Variants in GLI2 observed in about 807,000 individuals in gnomAD.
GLI2 encodes the protein GLI family zinc finger 2, also known as transcription activator GLI2.
In GLI2, 22 loss-of-function variants were observed where a neutral mutation model predicts 78.9. The observed-to-expected ratio is 0.28, with a 90% CI of 0.20 to 0.40. The LOEUF (loss-of-function observed/expected upper bound fraction) is 0.40. GLI2 is among the 10% of genes least tolerant of loss of function. The probability of loss-of-function intolerance (pLI) is 1.00; values close to 1 mark genes in which losing one functional copy is unlikely to be tolerated. For synonymous variants in GLI2, 974 were observed against 963.7 expected, an observed-to-expected ratio of 1.01 and a Z score of -0.20; for missense variants, 2,097 against 2,213.2, an observed-to-expected ratio of 0.95 and a Z score of 1.05.
At chr2:120,856,136 A>G (rs997131702) in intron 2 of GLI2, among the ~76,000 whole-genome samples, 15 of 152,102 alleles carry the variant, frequency 9.9e-5, no homozygotes, top group African/African-American at 2.7e-4. Context: ...CTGACTCCTC[A>G]GCCTGAGTTC....
rs540540274 is a variant in GLI2 at position 120,938,028 on chromosome 2, G to A, written c.254+10562G>A. 9.2e-5 allele frequency among the ~76,000 whole-genome samples: 14 copies of A among 152,134 alleles called. No individual in the cohort carries two copies. The South Asian group carries it at 1.0e-3, about 11-fold the overall frequency. On this transcript the variant is annotated intron_variant, in intron 3 of 13. Transcript: ENST00000361492. ...TCTTATCTCCTATTTCCTTATTCCC[G>A]CCCATGGCTTTAAACCCTTGACTTT...
intron 2 of GLI2, among the ~76,000 whole-genome samples, chr2:120,854,763 A>C (rs1219130944): frequency 6.6e-6 from 1 of 152,208 alleles, no homozygotes; most frequent in African/African-American, 2.4e-5. Flanking sequence ...CATCAGAATC[A>C]CCCAAGAGAC....
chr2:120,837,001 G>A (rs963993671), intron 2 of GLI2, among the ~76,000 whole-genome samples: 11 of 152,110 alleles, frequency 7.2e-5, no homozygotes, highest in Non-Finnish European at 1.5e-5. Context: ...GGACGTTTGG[G>A]CTGCTTCTCC....
At chr2:120,927,594 G>A in intron 3 of GLI2, 128 bp downstream of exon 3, 1 of 759,030 alleles carries the variant, frequency 1.3e-6, no homozygotes, top group South Asian at 1.4e-5. Flanking sequence ...ACATTGTCCT[G>A]AGCGGGCGAT....
intron 3 of GLI2, among the ~76,000 whole-genome samples, chr2:120,947,469 CA>C (rs1317162020): frequency 9.8e-5 from 15 of 152,332 alleles, no homozygotes; most frequent in Non-Finnish European, 1.3e-4. Flanking sequence ...GCTGTGATCT[CA>C]CTGGCCCTGT....
At chr2:120,926,027 C>T (rs1020032182) in intron 2 of GLI2, among the ~76,000 whole-genome samples, 2 of 131,844 alleles carry the variant, frequency 1.5e-5, no homozygotes, top group Admixed American at 1.7e-4. Context: ...GAGCCGAGAT[C>T]GCTCCACTGC....
intron 3 of GLI2, among the ~76,000 whole-genome samples, chr2:120,948,713 G>T (rs908337357): frequency 6.6e-6 from 1 of 152,150 alleles, no homozygotes; most frequent in African/African-American, 2.4e-5. Context: ...AATGGCTATC[G>T]CAGGGGGCCT....
At chr2:120,806,939 C>T (rs372863302) in intron 2 of GLI2, among the ~76,000 whole-genome samples, 4 of 152,210 alleles carry the variant, frequency 2.6e-5, no homozygotes, top group African/African-American at 4.8e-5. Context: ...ACCCCAGTTA[C>T]GATGCTGATG....
intron 5 of GLI2, among the ~76,000 whole-genome samples, chr2:120,960,579 T>A (rs1238421200): frequency 6.6e-6 from 1 of 152,252 alleles, no homozygotes; most frequent in African/African-American, 2.4e-5. Flanking sequence ...GAACTTTGTA[T>A]TTTTTCTGAA....
intron 10 of GLI2, 27 bp from the exon 11 acceptor site, chr2:120,982,689 T>C: frequency 6.3e-7 from 1 of 1,596,578 alleles, no homozygotes; most frequent in Non-Finnish European, 8.6e-7. Flanking sequence ...CTGGGGTGCC[T>C]TGACTGACTG....
Position 120,820,669 on chromosome 2 carries a change from CTT to C in GLI2, c.148+23203_148+23204del, listed in dbSNP as rs1278192165. Among the ~76,000 whole-genome samples the C allele has an allele frequency of 5.9e-5, 9 of 152,304 alleles. 1 individual carries two copies. Among genetic ancestry groups the C allele is most frequent in the Admixed American group, 6.5e-5 (1 of 15,296 alleles). On this transcript the variant is annotated intron_variant, in intron 2 of 13. Coordinates refer to ENST00000361492, the MANE Select transcript of GLI2 (RefSeq NM_001374353.1). ...CACCCTGTGTGTCTGTGTTTCTTCT[CTT>C]TGTGAGAGTTAGCCTTCTGCTGTGG...
rs941065616 is a variant in GLI2, at chr2:120,991,095, G to A, written c.*420G>A. On this transcript the variant is annotated 3_prime_UTR_variant, in exon 14 of 14. Coordinates refer to ENST00000361492, the MANE Select transcript of GLI2 (RefSeq NM_001374353.1). ...AATGCTATACTGGATACTCTGCTCC[G>A]GAAAGATGAGCTTTTTATTCTACTA... is the stretch of plus-strand genomic sequence containing the variant. 9.5e-5 allele frequency: 16 copies of A among 169,108 alleles called. No individual in the cohort carries two copies. Among genetic ancestry groups the A allele is most frequent in the African/African-American group, 1.2e-4 (5 of 41,802 alleles). The allele number at this position is 169,108 out of a possible 1,614,324, so 10.5% of individuals were successfully genotyped here.
chr2:120,956,193 A>G (rs1328036317), intron 5 of GLI2, among the ~76,000 whole-genome samples: 1 of 152,012 alleles, frequency 6.6e-6, no homozygotes, highest in Non-Finnish European at 1.5e-5. Context: ...TGAAGGTAGA[A>G]CCACAGGATG....
chr2:120,973,152 A>T (rs1682272122), intron 8 of GLI2, among the ~76,000 whole-genome samples: 1 of 152,220 alleles, frequency 6.6e-6, no homozygotes, highest in African/African-American at 2.4e-5. Context: ...GGCTTCTGTT[A>T]TCGTCAAGCA....
At chr2:120,835,111 G>A (rs541335070) in intron 2 of GLI2, among the ~76,000 whole-genome samples, 56 of 152,220 alleles carry the variant, frequency 3.7e-4, no homozygotes, top group Non-Finnish European at 5.9e-4. Flanking sequence ...GGGAAGGAAA[G>A]TGATCATCAA....
chr2:120,928,163 C>A (rs964725800), intron 3 of GLI2, among the ~76,000 whole-genome samples: 1 of 152,174 alleles, frequency 6.6e-6, no homozygotes, highest in African/African-American at 2.4e-5. Flanking sequence ...CTCCACTGCT[C>A]CCCGCACCTG....
At chr2:120,835,397 T>TTG (rs1156480885) in intron 2 of GLI2, among the ~76,000 whole-genome samples, 1 of 151,060 alleles carries the variant, frequency 6.6e-6, no homozygotes, top group Non-Finnish European at 1.5e-5. Context: ...TTTTTTTTTT[T>TTG]TTTTTGGAGA....
At position 120,776,237 on chromosome 2, in the gene GLI2, G is replaced by A. The variant is rs115408492; in HGVS notation, c.-30-21054G>A. ...TCGCAGCACCGGACATGTTGTTCCC[G>A]CTTTCTAGATGGGAAACTGAGGGTC... On this transcript the variant is annotated intron_variant, in intron 1 of 13. Coordinates refer to ENST00000361492, the MANE Select transcript of GLI2 (RefSeq NM_001374353.1). 5.0e-3 allele frequency among the ~76,000 whole-genome samples: 767 copies of A among 152,320 alleles called. 8 individuals carry two copies. Among genetic ancestry groups the A allele is most frequent in the African/African-American group, 0.017 (722 of 41,566 alleles).
chr2:120,777,015 C>T (rs750036281), intron 1 of GLI2, among the ~76,000 whole-genome samples: 64 of 152,188 alleles, frequency 4.2e-4, no homozygotes, highest in Admixed American at 6.5e-4. Context: ...GCACCTGACA[C>T]GGGGCAGGGG....
Sources: allele counts gnomAD v4.1 joint callset (sites outside exome capture counted in the v4.1 genomes callset), GRCh38; gene constraint gnomAD v4.1.1; transcripts MANE v1.5; gene names NCBI Gene and HGNC (gene_info 2026-07-23, HGNC 2026-07-21).